Variants in OPLAH observed in about 807,000 individuals in gnomAD.
OPLAH encodes the protein 5-oxoprolinase.
OPLAH carries 103 observed loss-of-function variants against 122.8 expected under a neutral mutation model. That is an observed-to-expected ratio of 0.84 (90% CI 0.71 to 0.99). The LOEUF (loss-of-function observed/expected upper bound fraction) is 0.99, where lower values mean the gene tolerates loss of function less well. Among genes scored for constraint, OPLAH ranks in the 50% least tolerant of loss-of-function variants. OPLAH has a pLI of 0.00. For synonymous variants in OPLAH, 875 were observed against 796.0 expected (o/e 1.10, Z -1.67); for missense variants, 1,902 against 1,836.5 (o/e 1.04, Z -0.65).
chr8:144,054,755 G>T lies in OPLAH; in HGVS notation c.2512-20C>A, dbSNP rs782368652. On this transcript the variant is annotated intron_variant, in intron 18 of 26. Coordinates refer to ENST00000618853, the MANE Select transcript of OPLAH (RefSeq NM_017570.5). ...AAACACCTAGCGGGTGGAGAGCCAC[G>T]GTCAGCTGCATCGGCCACCACTGCC... 5.0e-6 allele frequency: 8 copies of T among 1,611,928 alleles called. No individual in the cohort carries two copies. The Middle Eastern group carries it at 8.2e-4, about 166-fold the overall frequency.
chr8:144,055,866 C>A lies in OPLAH; in HGVS notation c.2170G>T (p.Glu724Ter). ...TGGGGGCCCACTGTGCCGGGGACTT[C>A]GGCCCCCACGGAGATGCAGATGTCC... is the stretch of plus-strand genomic sequence containing the variant. ...TGDICISVGA[E>*]VPGTVGPQLD... Residue 724 changes from glutamate to a stop codon, truncating the protein, a stop_gained, in exon 16 of 27, where the codon GAA (glutamate) becomes TAA (stop). Transcript: ENST00000618853. LOFTEE classifies it high-confidence loss of function. This position sits in a 1 kb window ranked among gnomAD's most constrained non-coding sequence, Gnocchi z 6.5. 1 of 1,579,890 alleles carries A rather than the reference C, an allele frequency of 6.3e-7. No homozygotes were observed. The highest frequency in any genetic ancestry group is 8.6e-7 in the Non-Finnish European group (1 of 1,163,494).
Position 144,056,670 on chromosome 8 carries a change from C to T in OPLAH, c.1792G>A (p.Ala598Thr). The T allele has an allele frequency of 1.2e-6, 2 of 1,611,790 alleles. No homozygotes were observed. Among genetic ancestry groups the T allele is most frequent in the Non-Finnish European group, 1.7e-6 (2 of 1,179,608 alleles). The change falls in exon 13 of 27, where the codon GCC becomes ACC. Residue 598 changes from alanine to threonine, a missense_variant. Coordinates refer to ENST00000618853, the MANE Select transcript of OPLAH (RefSeq NM_017570.5). ...CCCGCACGGGGCGAGCGGGCTGTGG[C>T]TGGGTGCTGGTGGGCAGACACCATC... Reference protein sequence around the residue: ...ALMVSAHQHPATARSPRAGDF... With the variant: ...ALMVSAHQHPTTARSPRAGDF...
Position 144,057,793 on chromosome 8 carries a change from AGGGGCT to A in OPLAH, c.1156+57_1156+62del, listed in dbSNP as rs782262312. 1.1e-5 allele frequency: 17 copies of A among 1,607,238 alleles called. No individual in the cohort carries two copies. In the South Asian group the frequency reaches 1.7e-4, roughly 16 times the overall value. Reference sequence around the variant, plus strand: ...AGGCAGCAGGGATAGGGCTGACAGGAGGGGCTGGGCCTGCGGCGGCAAGCGGAGGGC... The same window carrying A: ...AGGCAGCAGGGATAGGGCTGACAGGAGGGCCTGCGGCGGCAAGCGGAGGGC... On this transcript the variant is annotated intron_variant, in intron 9 of 26. Coordinates refer to ENST00000618853, the MANE Select transcript of OPLAH (RefSeq NM_017570.5).
rs1835515932 is a variant in OPLAH, at chr8:144,056,416, T to C, written c.1952A>G (p.Lys651Arg). ...RSGLRLEDAPKAQTGPPRVDK... is the reference protein window; with the variant it reads ...RSGLRLEDAPRAQTGPPRVDK... ...CACCCGGGGAGGCCCGGTCTGGGCT[T>C]TGGGGGCATCCTCGAGGCGAAGACC... is the stretch of plus-strand genomic sequence containing the variant. Residue 651 changes from lysine to arginine, a missense_variant, in exon 14 of 27, where the codon AAA becomes AGA. Coordinates refer to ENST00000618853, the MANE Select transcript of OPLAH (RefSeq NM_017570.5). 3 of 1,608,618 alleles carry C rather than the reference T, an allele frequency of 1.9e-6. No homozygotes were observed. The highest frequency in any genetic ancestry group is 1.3e-5 in the African/African-American group (1 of 74,896).
At chr8:144,063,725 C>T (rs1327596767), upstream of OPLAH, 3 of 152,462 alleles carry the variant, frequency 2.0e-5, no homozygotes, top group African/African-American at 4.8e-5. The surrounding 1 kb of genome is among the most constrained non-coding windows in gnomAD (Gnocchi z 4.2). Flanking sequence ...TGAATTTGAT[C>T]GTTCTCCGCC....
chr8:144,051,492 C>CGGGGCGGGGGGGGGGGG lies in OPLAH; in HGVS notation c.3721-21_3721-20insCCCCCCCCCCCCGCCCC. On this transcript the variant is annotated intron_variant, in intron 26 of 26. Coordinates refer to ENST00000618853, the MANE Select transcript of OPLAH (RefSeq NM_017570.5). ...CACATCCTGTTGGCGCGGGGGGGGG[C>CGGGGCGGGGGGGGGGGG]GGGGAGGCGGGCTCAGTGCAGGCGT... 1 of 413,258 alleles carries CGGGGCGGGGGGGGGGGG rather than the reference C, an allele frequency of 2.4e-6. No individual in the cohort carries two copies. The highest frequency in any genetic ancestry group is 3.4e-6 in the Non-Finnish European group (1 of 292,056). 25.6% of individuals were successfully genotyped at this position (413,258 alleles called of 1,614,324 possible).
At chr8:144,051,522 C>T (rs781918434) in intron 26 of OPLAH, 50 bp from the exon 27 acceptor site, 2 of 1,400,312 alleles carry the variant, frequency 1.4e-6, no homozygotes, top group South Asian at 2.8e-5. Flanking sequence ...AGGCGTGGCC[C>T]CTCCCTGTCA....
chr8:144,059,032 G>A lies in OPLAH; in HGVS notation c.411C>T (p.Asp137=), dbSNP rs782673545. 52 of 1,590,034 alleles carry A rather than the reference G, an allele frequency of 3.3e-5. 1 individual carries two copies. Among genetic ancestry groups the A allele is most frequent in the South Asian group, 1.6e-4 (14 of 87,096 alleles). Residue 137 remains aspartate, a synonymous_variant, in exon 4 of 27, where the codon GAC becomes GAT. Coordinates refer to ENST00000618853, the MANE Select transcript of OPLAH (RefSeq NM_017570.5). The stretch of plus-strand genomic sequence containing the variant: ...CTCCACGGTGCAGCACCACGCGTTC[G>A]TCCACCTCCAGCACCTCTTCATACA... ...EVLYEEVLEV[D]ERVVLHRGEA...
intron 3 of OPLAH, 47 bp downstream of exon 3, chr8:144,059,552 G>T (rs782733621): frequency 6.5e-7 from 1 of 1,543,008 alleles, no homozygotes; most frequent in Non-Finnish European, 8.8e-7. Context: ...GGCATCCCTG[G>T]GGGGTGTACA....
chr8:144,055,075 T>TG lies in OPLAH; in HGVS notation c.2362dup (p.His788ProfsTer174). The stretch of plus-strand genomic sequence containing the variant: ...CATGGCACCCAGGTGCACAGGGATG[T>TG]GGGGGGCATTGGACACCAGCCCCCC... On this transcript the variant is annotated frameshift_variant, in exon 17 of 27. Transcript: ENST00000618853. LOFTEE classifies it high-confidence loss of function. The surrounding 1 kb of genome is among the most constrained non-coding windows in gnomAD (Gnocchi z 6.5). The TG allele has an allele frequency of 6.4e-7, 1 of 1,555,452 alleles. No individual in the cohort carries two copies. The highest frequency in any genetic ancestry group is 8.7e-7 in the Non-Finnish European group (1 of 1,151,570).
chr8:144,057,163 C>T, intron 11 of OPLAH, 45 bp from the exon 12 acceptor site: 1 of 1,598,376 alleles, frequency 6.3e-7, no homozygotes, highest in Non-Finnish European at 8.5e-7. Context: ...CCTCCCAAGC[C>T]CGGCGCAGAT....
At chr8:144,050,965 G>T, downstream of OPLAH, 1 of 1,052,084 alleles carries the variant, frequency 9.5e-7, no homozygotes, top group Non-Finnish European at 1.1e-6. Flanking sequence ...GAGAAAGGGC[G>T]CCACCTCTAC....
Position 144,057,607 on chromosome 8 carries a change from C to A in OPLAH, c.1263G>T (p.Glu421Asp). The A allele has an allele frequency of 6.3e-7, 1 of 1,591,414 alleles. No homozygotes were observed. The change falls in exon 10 of 27, where the codon GAG becomes GAT. Residue 421 changes from glutamate to aspartate, a missense_variant. This residue lies in a region of OPLAH where 1,726 missense variants were observed against 1,642.1 expected (regional missense o/e 1.05). Transcript: ENST00000618853. ...GPGENQPLSP[E>D]ASRKALEAVA... ...CAGCCTCCAGGGCTTTGCGGGAGGCCTCAGGGGAAAGTGGTTGGTTCTCTC... is the reference window on the plus strand; with the variant it reads ...CAGCCTCCAGGGCTTTGCGGGAGGCATCAGGGGAAAGTGGTTGGTTCTCTC...
intron 1 of OPLAH, among the ~76,000 whole-genome samples, 186 bp from the exon 2 acceptor site, chr8:144,060,271 T>C (rs1835636329): frequency 6.6e-6 from 1 of 152,210 alleles, no homozygotes; most frequent in African/African-American, 2.4e-5. Context: ...GTCAGCGGCC[T>C]GATGCCCCCA....
Position 144,055,062 on chromosome 8 carries a change from G to A in OPLAH, c.2376C>T (p.His792=), listed in dbSNP as rs1377191875. 3 of 1,544,066 alleles carry A rather than the reference G, an allele frequency of 1.9e-6. No individual in the cohort carries two copies. The highest frequency in any genetic ancestry group is 2.6e-6 in the Non-Finnish European group (3 of 1,143,584). ...LVSNAPHIPV[H]LGAMQETVQF... ...GCACCGTCTCCTGCATGGCACCCAG[G>A]TGCACAGGGATGTGGGGGGCATTGG... The change falls in exon 17 of 27, where the codon CAC becomes CAT. Residue 792 remains histidine, a synonymous_variant. Transcript: ENST00000618853. This position sits in a 1 kb window ranked among gnomAD's most constrained non-coding sequence, Gnocchi z 6.5.
At position 144,053,094 on chromosome 8, in the gene OPLAH, AC is replaced by A; in HGVS notation, c.2906del (p.Arg969LeufsTer36). On this transcript the variant is annotated frameshift_variant, in exon 21 of 27. Transcript: ENST00000618853. LOFTEE classifies it high-confidence loss of function. Reference protein sequence around the residue: ...NAELAVRDMLRAFGTSRQARG... With the variant: ...NAELAVRDMLXAFGTSRQARG... ...GGGCCTGCCGGGAGGTTCCAAAGGC[AC>A]GCAACATGTCTCGCACGGCCAGCTC... 1 of 1,606,374 alleles carries A rather than the reference AC, an allele frequency of 6.2e-7. No homozygotes were observed. Among genetic ancestry groups the A allele is most frequent in the South Asian group, 1.1e-5 (1 of 90,008 alleles).
intron 3 of OPLAH, 132 bp from the exon 4 acceptor site, chr8:144,059,211 GC>G (rs1835608409): frequency 1.3e-6 from 1 of 754,390 alleles, no homozygotes; most frequent in African/African-American, 1.7e-5. Flanking sequence ...GTCATACCTG[GC>G]AGCCCCAGCA....
At chr8:144,052,685 T>C (rs1554757977) in intron 22 of OPLAH, 81 bp downstream of exon 22, 1 of 1,532,298 alleles carries the variant, frequency 6.5e-7, no homozygotes, top group East Asian at 2.4e-5. Context: ...ACCCGTGGGG[T>C]CAGACCGTGG....
At chr8:144,050,969 C>T, downstream of OPLAH, 3 of 1,059,900 alleles carry the variant, frequency 2.8e-6, no homozygotes, top group Non-Finnish European at 2.3e-6. Context: ...AAGGGCGCCA[C>T]CTCTACCTGG....
Sources: gnomAD v4.1 joint callset for allele counts (sites outside exome capture counted in the v4.1 genomes callset) on GRCh38, gnomAD v4.1.1 for gene constraint, gnomAD v4.1.1 regional missense constraint, Gnocchi (gnomAD v3.1) non-coding constraint, MANE v1.5 for transcripts, NCBI Gene and HGNC (gene_info 2026-07-23, HGNC 2026-07-21) for gene names.